USH2A: variants seen among roughly 807,000 people sequenced by gnomAD.
The protein encoded by USH2A is Usher syndrome 2A (autosomal recessive, mild).
USH2A carries 443 observed loss-of-function variants against 538.9 expected under a neutral mutation model. The ratio of observed to expected loss-of-function variants is 0.82; its 90% CI spans 0.76 to 0.89. The LOEUF is 0.89. USH2A is among the 40% of genes least tolerant of loss of function. The probability of loss-of-function intolerance (pLI) is 0.00; values close to 1 mark genes in which losing one functional copy is unlikely to be tolerated. For synonymous variants in USH2A, 2,413 were observed against 2,273.5 expected (o/e 1.06, Z -1.75); for missense variants, 6,633 against 6,324.8 (o/e 1.05, Z -1.65).
At chr1:216,406,398 A>G (rs1362277345) in intron 3 of USH2A, among the ~76,000 whole-genome samples, 1 of 152,176 alleles carries the variant, frequency 6.6e-6, no homozygotes, top group Non-Finnish European at 1.5e-5. Flanking sequence ...TGTTTATGCC[A>G]CAGATTATGG....
intron 21 of USH2A, among the ~76,000 whole-genome samples, chr1:216,140,306 A>G (rs2033576333): frequency 6.6e-6 from 1 of 152,186 alleles, no homozygotes; most frequent in Non-Finnish European, 1.5e-5. Context: ...GGCACATAGT[A>G]GATGCTCAAT....
chr1:216,384,808 T>C (rs748656582), intron 3 of USH2A, among the ~76,000 whole-genome samples: 5 of 152,156 alleles, frequency 3.3e-5, no homozygotes, highest in Non-Finnish European at 7.3e-5. Context: ...GTTAAAAGAC[T>C]ACTAAAGATA....
intron 13 of USH2A, among the ~76,000 whole-genome samples, chr1:216,240,791 G>A (rs943088887): frequency 7.2e-5 from 11 of 152,154 alleles, no homozygotes; most frequent in South Asian, 2.1e-4. Context: ...AAGAGAGAAC[G>A]TGTAGGATTC....
chr1:215,758,148 T>C (rs756085392), intron 58 of USH2A, among the ~76,000 whole-genome samples: 1 of 152,022 alleles, frequency 6.6e-6, no homozygotes, highest in Non-Finnish European at 1.5e-5. Flanking sequence ...TAGCCGGGCA[T>C]GGTGGCATAT....
Position 216,418,595 on chromosome 1 carries a change from T to C in USH2A, c.570A>G (p.Thr190=), listed in dbSNP as rs553450594. 1.9e-6 allele frequency: 3 copies of C among 1,613,430 alleles called. No individual in the cohort carries two copies. Among genetic ancestry groups the C allele is most frequent in the South Asian group, 1.1e-5 (1 of 91,072 alleles). ...TTATTGGAGGTTGCAAACCATTTAC[T>C]GTGCGATAATAAAACATGGTCTCTT... The part of the protein sequence containing the change: ...SEKETMFYYR[T]VNGLQPPIKV... Residue 190 remains threonine (T), a synonymous_variant, in exon 3 of 72, where the codon ACA becomes ACG. Transcript: ENST00000307340.
Position 215,922,748 on chromosome 1 carries a change from G to A in USH2A, c.7300+11868C>T, listed in dbSNP as rs180975457. Among the ~76,000 whole-genome samples, 18 of 152,150 alleles carry A rather than the reference G, an allele frequency of 1.2e-4. No homozygotes were observed. The East Asian group carries it at 3.5e-3, about 30-fold the overall frequency. Reference sequence around the variant, plus strand: ...CAAGCAAATTTCAAGGAATGTTGAAGTTCCTGGTCTGGGATCACACTATAG... The same window carrying A: ...CAAGCAAATTTCAAGGAATGTTGAAATTCCTGGTCTGGGATCACACTATAG... On this transcript the variant is annotated intron_variant, in intron 38 of 71. Coordinates refer to ENST00000307340, the MANE Select transcript of USH2A (RefSeq NM_206933.4).
chr1:216,138,345 A>G (rs2033527739), intron 21 of USH2A, among the ~76,000 whole-genome samples: 1 of 152,220 alleles, frequency 6.6e-6, no homozygotes, highest in Admixed American at 6.5e-5. Flanking sequence ...AACTCAGTAT[A>G]TTAAAAAAGC....
intron 21 of USH2A, among the ~76,000 whole-genome samples, chr1:216,143,388 A>G (rs1407362776): frequency 6.6e-6 from 1 of 152,190 alleles, no homozygotes; most frequent in East Asian, 1.9e-4. Flanking sequence ...TTTTAGTCAC[A>G]GTACTTAGGG....
At chr1:216,304,010 T>C (rs1165082197) in intron 9 of USH2A, among the ~76,000 whole-genome samples, 1 of 151,990 alleles carries the variant, frequency 6.6e-6, no homozygotes, top group Non-Finnish European at 1.5e-5. Flanking sequence ...AGTATTTACA[T>C]AGGTGATACA....
chr1:216,236,946 C>A (rs1572078888), intron 13 of USH2A, among the ~76,000 whole-genome samples: 1 of 152,106 alleles, frequency 6.6e-6, no homozygotes, highest in African/African-American at 2.4e-5. Context: ...AGAATCAAAT[C>A]CAATAACAAC....
chr1:215,719,870 T>C (rs558248818), intron 61 of USH2A, among the ~76,000 whole-genome samples: 1 of 152,216 alleles, frequency 6.6e-6, no homozygotes, highest in Non-Finnish European at 1.5e-5. Context: ...GGATTTAAGA[T>C]ATGGTTTGGA....
chr1:215,963,720 GC>G (rs1667260393), intron 37 of USH2A, among the ~76,000 whole-genome samples: 1 of 152,178 alleles, frequency 6.6e-6, no homozygotes, highest in Admixed American at 6.6e-5. Flanking sequence ...AATAATGCTT[GC>G]CTTGGTCTGG....
intron 11 of USH2A, among the ~76,000 whole-genome samples, chr1:216,258,982 C>A (rs1487237921): frequency 6.6e-6 from 1 of 152,048 alleles, no homozygotes; most frequent in Admixed American, 6.6e-5. Flanking sequence ...GCTCTCAACC[C>A]AAATAACATA....
At chr1:215,634,781 G>A (rs1656423517) in intron 69 of USH2A, 78 bp from the exon 70 acceptor site, 6 of 1,609,494 alleles carry the variant, frequency 3.7e-6, no homozygotes, top group Non-Finnish European at 5.1e-6. Flanking sequence ...CTATTTGATA[G>A]TAAATTAGAG....
rs575310439 is a variant in USH2A, at chr1:216,258,087, TC to T, written c.1972-6990del. ...TCCTGCTTCTTTACATGCCTGATAATCTTTGATTTGGTGCCAGAGACTGTGA... is the reference window on the plus strand; with the variant it reads ...TCCTGCTTCTTTACATGCCTGATAATTTTGATTTGGTGCCAGAGACTGTGA... On this transcript the variant is annotated intron_variant, in intron 11 of 71. Transcript: ENST00000307340. Among the ~76,000 whole-genome samples the T allele has an allele frequency of 8.5e-5, 13 of 152,232 alleles. No individual in the cohort carries two copies. The East Asian group carries it at 1.4e-3, about 16-fold the overall frequency.
At chr1:216,179,373 T>C (rs2034448929) in intron 20 of USH2A, among the ~76,000 whole-genome samples, 1 of 152,132 alleles carries the variant, frequency 6.6e-6, no homozygotes, top group African/African-American at 2.4e-5. Context: ...AAGTTAATGT[T>C]TACCATTTAA....
chr1:215,628,760 C>T, intron 71 of USH2A, 54 bp downstream of exon 71: 1 of 1,585,878 alleles, frequency 6.3e-7, no homozygotes, highest in Non-Finnish European at 8.7e-7. Flanking sequence ...AGCTCTGTAC[C>T]AATATTTTTT....
At position 215,687,742 on chromosome 1, in the gene USH2A, T is replaced by C. The variant is rs566001188; in HGVS notation, c.12067-7366A>G. ...AATTTCACTCTGATAATCTATTCTA[T>C]GGAAATAGTGGCAAAACTGTACTAA... On this transcript the variant is annotated intron_variant, in intron 61 of 71. Transcript: ENST00000307340. Among the ~76,000 whole-genome samples the C allele has an allele frequency of 2.0e-5, 3 of 152,280 alleles. No individual in the cohort carries two copies. The South Asian group carries it at 6.2e-4, about 32-fold the overall frequency.
intron 3 of USH2A, among the ~76,000 whole-genome samples, chr1:216,408,487 A>T (rs1029320561): frequency 6.6e-6 from 1 of 152,188 alleles, no homozygotes; most frequent in Non-Finnish European, 1.5e-5. Flanking sequence ...TTTAATTTTT[A>T]TAAATTAGGC....
Sources: gnomAD v4.1 joint callset for allele counts (sites outside exome capture counted in the v4.1 genomes callset) on GRCh38, gnomAD v4.1.1 for gene constraint, MANE v1.5 for transcripts, NCBI Gene and HGNC (gene_info 2026-07-23, HGNC 2026-07-21) for gene names.